Variants in CPNE1 observed in about 807,000 individuals in gnomAD.
The protein encoded by CPNE1 is copine-1.
Under a neutral mutation model 63.2 loss-of-function variants are expected in CPNE1, and 58 were observed. The ratio of observed to expected loss-of-function variants is 0.92; its 90% CI spans 0.74 to 1.14. The LOEUF is 1.14. CPNE1 is among the 50% of genes most tolerant of loss of function. The pLI is 0.00. For missense variants in CPNE1, 672 were observed against 661.7 expected (o/e 1.02, Z -0.17); for synonymous variants, 237 against 249.0 (o/e 0.95, Z 0.45).
intron 1 of CPNE1, among the ~76,000 whole-genome samples, chr20:35,662,765 C>G (rs972125328): frequency 1.4e-4 from 21 of 152,194 alleles, no homozygotes; most frequent in African/African-American, 4.8e-4. Flanking sequence ...ACTGTACTAA[C>G]AACTCCCAAA....
chr20:35,633,790 T>C (rs534251326), intron 1 of CPNE1, among the ~76,000 whole-genome samples: 14 of 143,612 alleles, frequency 9.7e-5, no homozygotes, highest in African/African-American at 3.6e-4. Context: ...CCGTCTCTAC[T>C]AAAAAAAAAA....
chr20:35,636,138 C>T (rs758019881), intron 1 of CPNE1, among the ~76,000 whole-genome samples: 10 of 152,194 alleles, frequency 6.6e-5, no homozygotes, highest in Non-Finnish European at 1.2e-4. Flanking sequence ...GAGAAACAGC[C>T]GCAGTTCTTT....
chr20:35,637,870 T>C (rs1198862063), intron 1 of CPNE1, among the ~76,000 whole-genome samples: 1 of 152,204 alleles, frequency 6.6e-6, no homozygotes, highest in Non-Finnish European at 1.5e-5. Context: ...CTGATCCACA[T>C]ATACCTAACA....
intron 1 of CPNE1, among the ~76,000 whole-genome samples, chr20:35,656,332 T>C (rs1172021659): frequency 6.6e-6 from 1 of 152,242 alleles, no homozygotes; most frequent in Non-Finnish European, 1.5e-5. Context: ...CCTTAGATCA[T>C]GCCTGTTTTG....
chr20:35,649,459 GAAT>G (rs2033348505), intron 1 of CPNE1: 1 of 152,510 alleles, frequency 6.6e-6, no homozygotes, highest in African/African-American at 2.4e-5. Context: ...TAACTACACT[GAAT>G]ATTACTACCT....
chr20:35,630,252 G>A (rs1227142773), intron 13 of CPNE1, among the ~76,000 whole-genome samples, 187 bp downstream of exon 13: 2 of 152,124 alleles, frequency 1.3e-5, no homozygotes, highest in African/African-American at 2.4e-5. Flanking sequence ...CTAAGATTGC[G>A]CCACCGCACT....
chr20:35,648,455 C>A (rs1213390519), intron 1 of CPNE1, among the ~76,000 whole-genome samples: 1 of 152,136 alleles, frequency 6.6e-6, no homozygotes, highest in African/African-American at 2.4e-5. Context: ...CACAGTCCAC[C>A]CCTTTCAGAT....
intron 1 of CPNE1, among the ~76,000 whole-genome samples, chr20:35,644,831 G>A (rs1398732647): frequency 6.6e-6 from 1 of 152,160 alleles, no homozygotes; most frequent in Non-Finnish European, 1.5e-5. Context: ...GGGAAGGAAG[G>A]TAGGAAATCC....
At chr20:35,655,478 T>C (rs139221175) in intron 1 of CPNE1, 5 of 758,700 alleles carry the variant, frequency 6.6e-6, no homozygotes, top group African/African-American at 3.5e-5. Context: ...GTCTTTAATT[T>C]AGATATTCTA....
At position 35,632,338 on chromosome 20, in the gene CPNE1, T is replaced by G. The variant is rs1435783687; in HGVS notation, c.357A>C (p.Gly119=). 3.7e-6 allele frequency: 6 copies of G among 1,614,152 alleles called. No homozygotes were observed. The highest frequency in any genetic ancestry group is 5.1e-6 in the Non-Finnish European group (6 of 1,180,030). ...TGATGGTCCCCCGCCCAGCAGGTTT[T>G]CCAGGCTTCAGCATCAAGGGGAGAG... ...VLTLPLMLKP[G]KPAGRGTITV... Residue 119 remains glycine (G), a synonymous_variant, in exon 4 of 16, where the codon GGA becomes GGC. Coordinates refer to ENST00000397443, the MANE Select transcript of CPNE1 (RefSeq NM_152925.3).
chr20:35,656,467 T>C lies in CPNE1; in HGVS notation c.-1+8293A>G, dbSNP rs149204662. 1.1e-4 allele frequency among the ~76,000 whole-genome samples: 17 copies of C among 152,350 alleles called. No homozygotes were observed. The East Asian group carries it at 3.3e-3, about 29-fold the overall frequency. On this transcript the variant is annotated intron_variant, in intron 1 of 15. Transcript: ENST00000397443. ...ACCGAATTATTGGGCCTGGGAAACA[T>C]ACTACTTTGAAATTAAGGTGGTCAA...
chr20:35,654,540 G>A, intron 1 of CPNE1: 1 of 1,614,208 alleles, frequency 6.2e-7, no homozygotes, highest in African/African-American at 1.3e-5. Context: ...GTGCTCCAGA[G>A]CCATTCATTC....
chr20:35,659,349 C>A (rs951506862), intron 1 of CPNE1, among the ~76,000 whole-genome samples: 19 of 152,254 alleles, frequency 1.2e-4, no homozygotes, highest in African/African-American at 4.6e-4. Context: ...TAAACCAGTC[C>A]AGAAAACTCC....
chr20:35,640,955 G>C (rs1456541333), intron 1 of CPNE1, among the ~76,000 whole-genome samples: 1 of 152,160 alleles, frequency 6.6e-6, no homozygotes, highest in Non-Finnish European at 1.5e-5. Context: ...CTAGTCGGGT[G>C]TTGCGAATGG....
intron 1 of CPNE1, among the ~76,000 whole-genome samples, chr20:35,637,049 C>T (rs145916646): frequency 6.6e-6 from 1 of 152,146 alleles, no homozygotes; most frequent in East Asian, 1.9e-4. Flanking sequence ...AAAACAAAAA[C>T]AAAACAAGCA....
chr20:35,630,907 T>C lies in CPNE1; in HGVS notation c.989A>G (p.Tyr330Cys), dbSNP rs757799480. 4 of 1,607,188 alleles carry C rather than the reference T, an allele frequency of 2.5e-6. No individual in the cohort carries two copies. The South Asian group carries it at 4.4e-5, about 18-fold the overall frequency. Residue 330 changes from tyrosine (Y) to cysteine (C), a missense_variant, in exon 11 of 16, where the codon TAT becomes TGT. Tyr to Cys is a radical substitution (Grantham distance 194, BLOSUM62 -2). Transcript: ENST00000397443. Reference sequence around the variant, plus strand: ...CAGAGAAGCAGGTACTCACGAGTCATAGTCCTGAACCACGCTGCCCACACT... The same window carrying C: ...CAGAGAAGCAGGTACTCACGAGTCACAGTCCTGAACCACGCTGCCCACACT... The part of the protein sequence containing the change: ...LWSVGSVVQD[Y>C]DSDKLFPAFG...
intron 1 of CPNE1, among the ~76,000 whole-genome samples, chr20:35,637,337 A>T (rs1306485625): frequency 6.6e-6 from 1 of 151,918 alleles, no homozygotes; most frequent in Admixed American, 6.6e-5. Context: ...TTGCTGCACA[A>T]CTCCAAAGGA....
intron 13 of CPNE1, 144 bp from the exon 14 acceptor site, chr20:35,627,557 G>C: frequency 1.3e-6 from 1 of 759,870 alleles, no homozygotes; most frequent in Non-Finnish European, 2.0e-6. Context: ...GTACTTAACT[G>C]TCTCCTACAC....
intron 1 of CPNE1, among the ~76,000 whole-genome samples, chr20:35,633,542 G>T (rs970852226): frequency 6.6e-6 from 1 of 152,062 alleles, no homozygotes; most frequent in Non-Finnish European, 1.5e-5. Context: ...TTGTCACCTG[G>T]CTTACAGCAT....
Sources: gnomAD v4.1 joint callset for allele counts (sites outside exome capture counted in the v4.1 genomes callset) on GRCh38, gnomAD v4.1.1 for gene constraint, MANE v1.5 for transcripts, NCBI Gene and HGNC (gene_info 2026-07-23, HGNC 2026-07-21) for gene names.